UBE4B: variants seen among roughly 807,000 people sequenced by gnomAD.
UBE4B encodes ubiquitin conjugation factor E4 B.
In UBE4B, 27 loss-of-function variants were observed where a neutral mutation model predicts 148.1. That is an observed-to-expected ratio of 0.18 (90% CI 0.13 to 0.25). The LOEUF (loss-of-function observed/expected upper bound fraction) is 0.25. Ranked by LOEUF, UBE4B falls within the 10% of genes least tolerant of loss-of-function variation. The pLI is 1.00. For missense variants in UBE4B, 1,170 were observed against 1,662.4 expected (o/e 0.70, Z 5.15); for synonymous variants, 596 against 619.3 (o/e 0.96, Z 0.56).
intron 15 of UBE4B, 103 bp from the exon 16 acceptor site, chr1:10,134,885 A>G: frequency 1.0e-6 from 1 of 965,526 alleles, no homozygotes; most frequent in Non-Finnish European, 1.5e-6. Flanking sequence ...GTTGCAGCCA[A>G]GATCACACCC....
rs757805094 is a variant in UBE4B, at chr1:10,130,456, C to T, written c.1696-44C>T. 1.3e-5 allele frequency: 20 copies of T among 1,502,494 alleles called. No homozygotes were observed. Among genetic ancestry groups the T allele is most frequent in the Admixed American group, 5.0e-5 (3 of 59,496 alleles). The allele number at this position is 1,502,494 out of a possible 1,614,324, so 93.1% of individuals were successfully genotyped here. A position where few individuals can be genotyped will look rare whatever the true frequency, so the allele number is the denominator to read the frequency against. On this transcript the variant is annotated intron_variant, in intron 12 of 27. Coordinates refer to ENST00000343090, the MANE Select transcript of UBE4B (RefSeq NM_001105562.3). ...AGTTTTCATTACATTTTTACCCCAC[C>T]GGCCTGTTCAGCGGCTTGACTGGCT...
chr1:10,088,686 A>T (rs372786502), intron 2 of UBE4B, among the ~76,000 whole-genome samples: 4 of 142,818 alleles, frequency 2.8e-5, no homozygotes, highest in Non-Finnish European at 6.1e-5. Flanking sequence ...TTATTATTTT[A>T]TTATTATTTT....
chr1:10,104,277 T>TA (rs1292537952), intron 5 of UBE4B, among the ~76,000 whole-genome samples: 4 of 152,174 alleles, frequency 2.6e-5, no homozygotes, highest in African/African-American at 9.7e-5. Context: ...AACAAAATAA[T>TA]AAAACTCTTA....
At chr1:10,174,066 A>G (rs575476609) in intron 25 of UBE4B, among the ~76,000 whole-genome samples, 1 of 152,330 alleles carries the variant, frequency 6.6e-6, no homozygotes, top group East Asian at 1.9e-4. Flanking sequence ...ACAAACACAC[A>G]TGTGCCAGTG....
rs1411650159 is a variant in UBE4B, at chr1:10,178,714, T to C, written c.3596T>C (p.Ile1199Thr). The change falls in exon 26 of 28, where the codon ATA (isoleucine) becomes ACA (threonine). Residue 1199 changes from isoleucine (I) to threonine (T), a missense_variant. Around this residue, in one of 6 missense-constraint regions of UBE4B, gnomAD observed 348 missense variants for 627.2 expected, o/e 0.55. Coordinates refer to ENST00000343090, the MANE Select transcript of UBE4B (RefSeq NM_001105562.3). ...KMRKAGIKST[I>T]AIEKFKLLAE... ...CGGAAGGCAGGGATCAAATCCACAA[T>C]AGCAATAGAAAAATTTAAGCTGCTC... The C allele has an allele frequency of 6.2e-7, 1 of 1,613,764 alleles. No homozygotes were observed. Among genetic ancestry groups the C allele is most frequent in the South Asian group, 1.1e-5 (1 of 91,042 alleles).
chr1:10,051,285 C>T (rs146042750), intron 1 of UBE4B, among the ~76,000 whole-genome samples: 80 of 152,246 alleles, frequency 5.3e-4, no homozygotes, highest in African/African-American at 1.8e-3. Context: ...CATCTCGTAG[C>T]ACTGTTCTTC....
At chr1:10,138,274 T>C (rs371465177) in intron 17 of UBE4B, among the ~76,000 whole-genome samples, 31 of 152,006 alleles carry the variant, frequency 2.0e-4, no homozygotes, top group African/African-American at 7.5e-4. Context: ...ATTTTTTGTA[T>C]TTTTAGTAGA....
intron 2 of UBE4B, among the ~76,000 whole-genome samples, chr1:10,090,483 T>C (rs934809231): frequency 6.6e-6 from 1 of 152,194 alleles, no homozygotes; most frequent in Non-Finnish European, 1.5e-5. Context: ...GGGAAGTTTT[T>C]AGACTCTGTA....
intron 3 of UBE4B, among the ~76,000 whole-genome samples, chr1:10,097,972 G>A (rs1326582393): frequency 6.6e-6 from 1 of 151,600 alleles, no homozygotes; most frequent in Non-Finnish European, 1.5e-5. Context: ...CTGGGTTCAA[G>A]CAATTCTCCT....
chr1:10,142,311 A>T (rs951922232), intron 17 of UBE4B, among the ~76,000 whole-genome samples: 20 of 152,154 alleles, frequency 1.3e-4, no homozygotes, highest in African/African-American at 4.6e-4. Context: ...GTTTCCTATG[A>T]CTGCAACAAC....
Position 10,161,300 on chromosome 1 carries a change from C to A in UBE4B, c.3198+14C>A. On this transcript the variant is annotated intron_variant, in intron 23 of 27. Coordinates refer to ENST00000343090, the MANE Select transcript of UBE4B (RefSeq NM_001105562.3). The surrounding 1 kb of genome is among the most constrained non-coding windows in gnomAD (Gnocchi z 4.1). ...CAGTTGCCCCGGGTGAGGACGTGGT[C>A]CAGAGGCTTGGACAGCTTTGCAGGC... 1 of 1,613,386 alleles carries A rather than the reference C, an allele frequency of 6.2e-7. No homozygotes were observed. Among genetic ancestry groups the A allele is most frequent in the Non-Finnish European group, 8.5e-7 (1 of 1,179,578 alleles).
At chr1:10,046,710 T>C (rs943693747) in intron 1 of UBE4B, among the ~76,000 whole-genome samples, 7 of 152,214 alleles carry the variant, frequency 4.6e-5, no homozygotes, top group African/African-American at 1.4e-4. Flanking sequence ...TGGGGTCAGA[T>C]CTGAAGTGGA....
intron 16 of UBE4B, among the ~76,000 whole-genome samples, chr1:10,136,205 G>T (rs944081237): frequency 6.6e-6 from 1 of 152,094 alleles, no homozygotes; most frequent in African/African-American, 2.4e-5. Context: ...GGGAATGGTG[G>T]CTCACATCCA....
chr1:10,158,536 G>A (rs936921886), intron 22 of UBE4B, 54 bp downstream of exon 22: 4 of 1,594,364 alleles, frequency 2.5e-6, no homozygotes, highest in Non-Finnish European at 3.4e-6. Flanking sequence ...TCGCAGGTAG[G>A]ATTGCAGCTT....
intron 18 of UBE4B, among the ~76,000 whole-genome samples, chr1:10,146,708 TG>T (rs1225287166): frequency 6.6e-6 from 1 of 152,156 alleles, no homozygotes; most frequent in Non-Finnish European, 1.5e-5. Context: ...TACTTGTGAC[TG>T]TTGGAACTCA....
chr1:10,077,705 GTC>G (rs1242194685), intron 2 of UBE4B, among the ~76,000 whole-genome samples: 1 of 152,194 alleles, frequency 6.6e-6, no homozygotes, highest in African/African-American at 2.4e-5. Flanking sequence ...CAGCTGGATT[GTC>G]TGTTTTTCCT....
chr1:10,109,978 C>T (rs768326583), intron 7 of UBE4B, among the ~76,000 whole-genome samples: 11 of 152,258 alleles, frequency 7.2e-5, no homozygotes, highest in South Asian at 2.1e-4. Flanking sequence ...GGATTACAGG[C>T]GTGAGCCACT....
At chr1:10,150,633 G>A (rs1645955193) in intron 20 of UBE4B, among the ~76,000 whole-genome samples, 1 of 152,064 alleles carries the variant, frequency 6.6e-6, no homozygotes, top group Admixed American at 6.6e-5. Context: ...AGGCCAAGGT[G>A]GGCAAATCAC....
intron 1 of UBE4B, among the ~76,000 whole-genome samples, chr1:10,049,426 T>G (rs1007287964): frequency 6.6e-6 from 1 of 152,046 alleles, no homozygotes; most frequent in Non-Finnish European, 1.5e-5. Context: ...GAATTAGTCT[T>G]TAAAGATGAC....
Sources: allele counts gnomAD v4.1 joint callset (sites outside exome capture counted in the v4.1 genomes callset), GRCh38; gene constraint gnomAD v4.1.1; regional missense constraint gnomAD v4.1.1; non-coding constraint Gnocchi (gnomAD v3.1); transcripts MANE v1.5; gene names NCBI Gene and HGNC (gene_info 2026-07-23, HGNC 2026-07-21).